ACTR3C: variants seen among roughly 807,000 people sequenced by gnomAD.
The protein encoded by ACTR3C is actin related protein 3C, also known as actin-related protein 3C.
In ACTR3C, 18 loss-of-function variants were observed where a neutral mutation model predicts 26.3. That is an observed-to-expected ratio of 0.68 (90% confidence interval 0.47 to 1.01). ACTR3C has a LOEUF of 1.01. Among genes scored for constraint, ACTR3C ranks in the 50% least tolerant of loss-of-function variants. The pLI, the probability that ACTR3C is intolerant of heterozygous loss-of-function variation, is 0.00. For missense variants in ACTR3C, 184 were observed against 250.7 expected (o/e 0.73, Z 1.80); for synonymous variants, 55 against 94.5 (o/e 0.58, Z 2.42).
the ACTR3C span, among the ~76,000 whole-genome samples, chr7:149,931,204 C>T: frequency 6.6e-6 from 1 of 152,238 alleles, no homozygotes; most frequent in Non-Finnish European, 1.5e-5. Flanking sequence ...TGTGCTCCCA[C>T]ACTGGGGTTT....
At chr7:150,238,862 A>G in the ACTR3C span, among the ~76,000 whole-genome samples, 1 of 146,026 alleles carries the variant, frequency 6.8e-6, no homozygotes, top group East Asian at 2.0e-4. Context: ...GAAGATATGC[A>G]TGTGCTTTTT....
chr7:150,103,638 GGA>G, the ACTR3C span, among the ~76,000 whole-genome samples: 34 of 149,534 alleles, frequency 2.3e-4, no homozygotes, highest in Middle Eastern at 3.4e-3. Context: ...GTCATTGAAT[GGA>G]GAGAGAGAGA....
chr7:150,049,038 C>T, the ACTR3C span, among the ~76,000 whole-genome samples: 6 of 152,172 alleles, frequency 3.9e-5, no homozygotes, highest in Admixed American at 3.9e-4. Context: ...CCAAAGCCTG[C>T]GCCTCACTGT....
At chr7:149,885,130 A>G in the ACTR3C span, among the ~76,000 whole-genome samples, 2 of 152,144 alleles carry the variant, frequency 1.3e-5, no homozygotes, top group African/African-American at 2.4e-5. Context: ...GCTCCTGGCC[A>G]TGACAACTAT....
chr7:150,058,493 C>T, the ACTR3C span, among the ~76,000 whole-genome samples: 1 of 152,182 alleles, frequency 6.6e-6, no homozygotes. Context: ...TTATTTTTCT[C>T]TCTGGTAAGA....
the ACTR3C span, among the ~76,000 whole-genome samples, chr7:149,948,998 A>G: frequency 1.3e-5 from 2 of 148,436 alleles, no homozygotes; most frequent in African/African-American, 2.6e-5. Flanking sequence ...AAACTATTTC[A>G]TGTGCTGTAA....
At chr7:149,979,406 AT>A in the ACTR3C span, among the ~76,000 whole-genome samples, 1 of 152,180 alleles carries the variant, frequency 6.6e-6, no homozygotes, top group East Asian at 1.9e-4. Context: ...CAAAACGTGT[AT>A]TCCCTTCCCC....
chr7:150,231,922 C>T, the ACTR3C span, among the ~76,000 whole-genome samples: 326 of 152,176 alleles, frequency 2.1e-3, 1 homozygote, highest in Non-Finnish European at 3.5e-3. Context: ...ACTGTATTCA[C>T]TGATTTTCTA....
At chr7:149,929,316 TA>T in the ACTR3C span, among the ~76,000 whole-genome samples, 1 of 146,526 alleles carries the variant, frequency 6.8e-6, no homozygotes, top group South Asian at 2.2e-4. Flanking sequence ...TAATCCCAGC[TA>T]CCCATGAGGC....
chr7:150,313,742 A>AGAGG (rs1253453233), intron 1 of ACTR3C, among the ~76,000 whole-genome samples: 1 of 152,148 alleles, frequency 6.6e-6, no homozygotes, highest in Non-Finnish European at 1.5e-5. Flanking sequence ...TTAGCTAGAA[A>AGAGG]GAGGGAGAGA....
chr7:150,026,380 G>A, the ACTR3C span, among the ~76,000 whole-genome samples: 4 of 152,042 alleles, frequency 2.6e-5, no homozygotes, highest in Non-Finnish European at 5.9e-5. Context: ...ATATTCAAGC[G>A]TTCCTGCTCA....
the ACTR3C span, among the ~76,000 whole-genome samples, chr7:150,014,031 T>C: frequency 6.6e-6 from 1 of 152,140 alleles, no homozygotes; most frequent in Non-Finnish European, 1.5e-5. Context: ...AGGGCTTCCA[T>C]GGGCTTCTGC....
At chr7:150,016,992 G>A in the ACTR3C span, among the ~76,000 whole-genome samples, 2 of 152,066 alleles carry the variant, frequency 1.3e-5, no homozygotes, top group African/African-American at 2.4e-5. Context: ...AGTCTGAGAT[G>A]TCACTGTCAA....
At chr7:149,957,179 G>T in the ACTR3C span, among the ~76,000 whole-genome samples, 1 of 152,106 alleles carries the variant, frequency 6.6e-6, no homozygotes, top group Non-Finnish European at 1.5e-5. Context: ...GTAAAAAGTA[G>T]TCAAGAGATC....
the ACTR3C span, among the ~76,000 whole-genome samples, chr7:149,904,481 A>G: frequency 6.7e-6 from 1 of 149,986 alleles, no homozygotes; most frequent in East Asian, 2.0e-4. Context: ...CAGTGAGCTG[A>G]GACTGTGCCA....
the ACTR3C span, among the ~76,000 whole-genome samples, chr7:150,215,495 A>C: frequency 6.6e-6 from 1 of 152,198 alleles, no homozygotes; most frequent in Non-Finnish European, 1.5e-5. Flanking sequence ...CTTGATCCTG[A>C]AGGGATTTCG....
the ACTR3C span, among the ~76,000 whole-genome samples, chr7:149,904,102 G>A: frequency 6.5e-5 from 9 of 138,944 alleles, no homozygotes; most frequent in South Asian, 2.6e-3. Context: ...GTATTTTTTA[G>A]TAGAGACAAG....
At chr7:150,040,157 C>T in the ACTR3C span, among the ~76,000 whole-genome samples, 1 of 148,194 alleles carries the variant, frequency 6.7e-6, no homozygotes, top group South Asian at 2.1e-4. Context: ...TCAGGTTTTA[C>T]CCAAGAATCA....
intron 1 of ACTR3C, among the ~76,000 whole-genome samples, chr7:150,316,906 A>T (rs7788316): frequency 0.29 from 44,819 of 151,940 alleles, 6,860 homozygotes; most frequent in East Asian, 0.42. Flanking sequence ...GAACATGATA[A>T]GCTTTTCCAT....
Sources: gnomAD v4.1 joint callset for allele counts (sites outside exome capture counted in the v4.1 genomes callset) on GRCh38, gnomAD v4.1.1 for gene constraint, MANE v1.5 for transcripts, NCBI Gene and HGNC (gene_info 2026-07-23, HGNC 2026-07-21) for gene names.